Variants in NTM observed in about 807,000 individuals in gnomAD.
The protein encoded by NTM is IgLON family member 2.
A neutral mutation model predicts 42.1 loss-of-function variants in NTM; 13 were observed. That is an observed-to-expected ratio of 0.31 (90% CI 0.20 to 0.49). NTM has a LOEUF of 0.49. Among genes scored for constraint, NTM ranks in the 20% least tolerant of loss-of-function variants. The pLI is 0.99. For missense variants in NTM, 373 were observed against 452.8 expected (o/e 0.82, Z 1.60); for synonymous variants, 187 against 179.2 (o/e 1.04, Z -0.35).
chr11:131,762,922 G>T (rs1364352764), intron 1 of NTM, among the ~76,000 whole-genome samples: 1 of 152,218 alleles, frequency 6.6e-6, no homozygotes, highest in African/African-American at 2.4e-5. Flanking sequence ...GATGCCATGT[G>T]CTTATTCATG....
intron 1 of NTM, among the ~76,000 whole-genome samples, chr11:131,525,498 C>CCT (rs2050349493): frequency 6.6e-6 from 1 of 152,148 alleles, no homozygotes; most frequent in Non-Finnish European, 1.5e-5. Context: ...TTAGCACAGT[C>CCT]GGGGTGGGCC....
chr11:131,633,594 TCACTCCCTCC>T (rs2063898181), intron 1 of NTM, among the ~76,000 whole-genome samples: 7 of 124,556 alleles, frequency 5.6e-5, no homozygotes, highest in African/African-American at 9.2e-5. Flanking sequence ...TCTCCCTCTC[TCACTCCCTCC>T]CTCTCTCACT....
At chr11:131,566,989 T>C (rs189437318) in intron 1 of NTM, among the ~76,000 whole-genome samples, 2 of 151,350 alleles carry the variant, frequency 1.3e-5, no homozygotes, top group Non-Finnish European at 2.9e-5. Flanking sequence ...CTTGGAAAAA[T>C]CTCTCAGCTG....
At chr11:132,250,449 T>C (rs891617237) in intron 4 of NTM, among the ~76,000 whole-genome samples, 3 of 152,168 alleles carry the variant, frequency 2.0e-5, no homozygotes, top group Non-Finnish European at 4.4e-5. Context: ...TCAGCCATTG[T>C]CTCTTCAAAT....
chr11:131,428,061 G>A (rs1948320782), intron 1 of NTM, among the ~76,000 whole-genome samples: 1 of 152,050 alleles, frequency 6.6e-6, no homozygotes, highest in South Asian at 2.1e-4. Flanking sequence ...CTCTCCCCTG[G>A]GATCGAGGTT....
intron 1 of NTM, among the ~76,000 whole-genome samples, chr11:131,411,257 A>G (rs1946370486): frequency 6.6e-6 from 1 of 152,208 alleles, no homozygotes; most frequent in African/African-American, 2.4e-5. Context: ...TTGTAATGCA[A>G]TGATTTGTTT....
intron 1 of NTM, among the ~76,000 whole-genome samples, chr11:131,806,727 C>T (rs1191842451): frequency 6.6e-6 from 1 of 152,090 alleles, no homozygotes; most frequent in African/African-American, 2.4e-5. Flanking sequence ...CCGTATCGGT[C>T]ATGTCACAGA....
At chr11:131,507,488 C>T (rs1296687886) in intron 1 of NTM, among the ~76,000 whole-genome samples, 21 of 152,154 alleles carry the variant, frequency 1.4e-4, no homozygotes, top group African/African-American at 2.9e-4. Context: ...AGTCAGGTAG[C>T]GTGATGCCGC....
Position 131,414,798 on chromosome 11 carries a change from A to G in NTM, c.82+43910A>G, listed in dbSNP as rs145547379. ...CAATGTCCTGCCTTCCTGTCAATGT[A>G]CTTGCATTTTTCTAAGTTCTTGCAG... On this transcript the variant is annotated intron_variant, in intron 1 of 8. Transcript: ENST00000683400. Among the ~76,000 whole-genome samples, 794 of 152,264 alleles carry G rather than the reference A, an allele frequency of 5.2e-3. 14 individuals are homozygous for G. Among genetic ancestry groups the G allele is most frequent in the African/African-American group, 0.018 (756 of 41,546 alleles).
chr11:131,729,398 G>T (rs965035949), intron 1 of NTM, among the ~76,000 whole-genome samples: 2 of 152,168 alleles, frequency 1.3e-5, no homozygotes, highest in Non-Finnish European at 2.9e-5. Flanking sequence ...GTGAAAACAA[G>T]TTAATTTTCA....
chr11:132,021,204 C>T (rs1487071070), intron 2 of NTM, among the ~76,000 whole-genome samples: 3 of 152,008 alleles, frequency 2.0e-5, no homozygotes, highest in East Asian at 1.9e-4. Context: ...TTTTTGTTTC[C>T]ATAATTTGCA....
At chr11:131,838,924 GGACA>G (rs1405443664) in intron 1 of NTM, among the ~76,000 whole-genome samples, 5 of 151,662 alleles carry the variant, frequency 3.3e-5, no homozygotes, top group Non-Finnish European at 5.9e-5. Flanking sequence ...AGGGAAGAGT[GGACA>G]GACAATCAAT....
At chr11:131,690,472 C>G (rs1159649073) in intron 1 of NTM, among the ~76,000 whole-genome samples, 1 of 152,090 alleles carries the variant, frequency 6.6e-6, no homozygotes, top group Admixed American at 6.5e-5. Context: ...ACGGGCTCAG[C>G]GCGAACCTTG....
In NTM at chr11:131,598,689, T is replaced by TTCTTTCTTTC. The variant is rs1251840917; in HGVS notation, c.82+227803_82+227812dup. 4.4e-4 allele frequency among the ~76,000 whole-genome samples: 18 copies of TTCTTTCTTTC among 41,316 alleles called. 3 individuals are homozygous for TTCTTTCTTTC. Among genetic ancestry groups the TTCTTTCTTTC allele is most frequent in the East Asian group, 3.0e-3 (3 of 1,008 alleles). The allele number at this position is 41,316 out of a possible 152,430, so 27.1% of individuals were successfully genotyped here. Reference sequence around the variant, plus strand: ...ACTACTCTCTTCTCATTTGTTTTCTTTCTTTCTTTCTTTCTTTCTTTCTTT... The same window carrying TTCTTTCTTTC: ...ACTACTCTCTTCTCATTTGTTTTCTTTCTTTCTTTCTCTTTCTTTCTTTCTTTCTTTCTTT... On this transcript the variant is annotated intron_variant, in intron 1 of 8. Coordinates refer to ENST00000683400, the MANE Select transcript of NTM (RefSeq NM_001352005.2).
At chr11:131,951,309 G>T (rs1360797146) in intron 2 of NTM, among the ~76,000 whole-genome samples, 1 of 151,978 alleles carries the variant, frequency 6.6e-6, no homozygotes, top group Non-Finnish European at 1.5e-5. Flanking sequence ...GACCATGTTT[G>T]TGCCTTAGCC....
At chr11:131,918,330 T>C (rs2056722627) in intron 2 of NTM, among the ~76,000 whole-genome samples, 1 of 152,208 alleles carries the variant, frequency 6.6e-6, no homozygotes, top group African/African-American at 2.4e-5. Context: ...CACCGTATTC[T>C]CTCCTGACTG....
chr11:131,815,574 C>T (rs925711238), intron 1 of NTM, among the ~76,000 whole-genome samples: 4 of 152,082 alleles, frequency 2.6e-5, no homozygotes, highest in Non-Finnish European at 5.9e-5. Context: ...GGAATGAAAC[C>T]AAATTTGTCC....
chr11:132,095,097 G>A (rs976021412), intron 2 of NTM, among the ~76,000 whole-genome samples: 6 of 152,146 alleles, frequency 3.9e-5, no homozygotes, highest in Non-Finnish European at 5.9e-5. Flanking sequence ...CGGCCTGCTC[G>A]GCGCTCCCCT....
At chr11:132,225,202 G>C (rs1396325656) in intron 4 of NTM, among the ~76,000 whole-genome samples, 1 of 152,130 alleles carries the variant, frequency 6.6e-6, no homozygotes, top group Non-Finnish European at 1.5e-5. Flanking sequence ...AGATTGCATG[G>C]TGAATTCAGC....
Sources: allele counts gnomAD v4.1 joint callset (sites outside exome capture counted in the v4.1 genomes callset), GRCh38; gene constraint gnomAD v4.1.1; transcripts MANE v1.5; gene names NCBI Gene and HGNC (gene_info 2026-07-23, HGNC 2026-07-21).